The following CARMIL1 variants were observed in gnomAD, a reference collection of about 807,000 sequenced individuals.
The protein encoded by CARMIL1 is capping protein regulator and myosin 1 linker 1, also known as F-actin-uncapping protein LRRC16A.
In CARMIL1, 90 loss-of-function variants were observed where a neutral mutation model predicts 177.1. That is an observed-to-expected ratio of 0.51 (90% CI 0.43 to 0.61). CARMIL1 has a LOEUF of 0.61. CARMIL1 is among the 20% of genes least tolerant of loss of function. CARMIL1 has a pLI of 0.00. For synonymous variants in CARMIL1, 577 were observed against 606.2 expected, an observed-to-expected ratio of 0.95 and a Z score of 0.71; for missense variants, 1,380 against 1,667.0, an observed-to-expected ratio of 0.83 and a Z score of 3.00.
At chr6:25,469,397 T>C (rs1412095400) in intron 9 of CARMIL1, among the ~76,000 whole-genome samples, 1 of 152,238 alleles carries the variant, frequency 6.6e-6, no homozygotes, top group East Asian at 1.9e-4. Flanking sequence ...TTTTATGTGC[T>C]ATTTTAAGAA....
At chr6:25,425,846 C>T (rs897734539) in intron 3 of CARMIL1, among the ~76,000 whole-genome samples, 19 of 152,040 alleles carry the variant, frequency 1.2e-4, no homozygotes, top group Non-Finnish European at 7.4e-5. Flanking sequence ...ATATTGTATT[C>T]GTGTAAATAT....
At chr6:25,493,234 C>T (rs540673894) in intron 15 of CARMIL1, among the ~76,000 whole-genome samples, 5 of 152,120 alleles carry the variant, frequency 3.3e-5, no homozygotes, top group East Asian at 3.8e-4. Context: ...AACAGAATTG[C>T]GCTAACAAAT....
intron 3 of CARMIL1, among the ~76,000 whole-genome samples, chr6:25,424,741 A>G (rs1796141803): frequency 6.6e-6 from 1 of 152,190 alleles, no homozygotes; most frequent in Non-Finnish European, 1.5e-5. Context: ...AGACTAGACA[A>G]CTTTATAGTT....
chr6:25,515,979 A>G lies in CARMIL1; in HGVS notation c.1805+132A>G. ...GCCATCTTGAGGAGAAGAGGTGACA[A>G]TGTCAAGATTTCTGTCAGAATAATG... On this transcript the variant is annotated intron_variant, in intron 21 of 36. Transcript: ENST00000329474. The surrounding 1 kb of genome is among the most constrained non-coding windows in gnomAD (Gnocchi z 5.0). The G allele has an allele frequency of 2.4e-6, 2 of 849,240 alleles. No homozygotes were observed. The highest frequency in any genetic ancestry group is 2.2e-5 in the South Asian group (1 of 45,862). The allele number at this position is 849,240 out of a possible 1,614,324, so 52.6% of individuals were successfully genotyped here. A position where few individuals can be genotyped will look rare whatever the true frequency, so the allele number is the denominator to read the frequency against.
At chr6:25,375,447 C>A (rs1376718974) in intron 2 of CARMIL1, among the ~76,000 whole-genome samples, 1 of 152,178 alleles carries the variant, frequency 6.6e-6, no homozygotes, top group East Asian at 1.9e-4. Flanking sequence ...CTTTAGATAG[C>A]CTGATGACTG....
intron 2 of CARMIL1, among the ~76,000 whole-genome samples, chr6:25,316,578 A>G (rs1784295601): frequency 6.6e-6 from 1 of 151,858 alleles, no homozygotes; most frequent in South Asian, 2.1e-4. Flanking sequence ...CGCCTGGCTA[A>G]TTTTTGTATT....
At chr6:25,471,347 A>G (rs1028550818) in intron 10 of CARMIL1, 90 bp downstream of exon 10, 3 of 790,142 alleles carry the variant, frequency 3.8e-6, no homozygotes, top group Non-Finnish European at 5.9e-6. Context: ...TTTTTTTTTA[A>G]TTGGGCTGAT....
chr6:25,431,026 T>C (rs1796722409), intron 4 of CARMIL1, among the ~76,000 whole-genome samples: 1 of 152,160 alleles, frequency 6.6e-6, no homozygotes, highest in Non-Finnish European at 1.5e-5. Context: ...TTTTTTTTTA[T>C]TATTATACTT....
intron 8 of CARMIL1, among the ~76,000 whole-genome samples, chr6:25,463,308 ATATAT>A (rs1221692492): frequency 2.0e-5 from 3 of 152,166 alleles, no homozygotes; most frequent in Non-Finnish European, 2.9e-5. Context: ...AATCCCAATT[ATATAT>A]TATATCACAC....
At chr6:25,528,069 T>C (rs151177422) in intron 23 of CARMIL1, among the ~76,000 whole-genome samples, 13 of 152,356 alleles carry the variant, frequency 8.5e-5, no homozygotes, top group African/African-American at 2.9e-4. Context: ...ATGTTAAATA[T>C]GTATTTATTG....
chr6:25,412,064 G>A (rs899521395), intron 2 of CARMIL1, among the ~76,000 whole-genome samples: 1 of 152,168 alleles, frequency 6.6e-6, no homozygotes, highest in Non-Finnish European at 1.5e-5. Context: ...AGGCCACTTG[G>A]CTAACTTGAG....
intron 28 of CARMIL1, among the ~76,000 whole-genome samples, chr6:25,556,096 A>G (rs961043874): frequency 3.2e-4 from 49 of 152,340 alleles, no homozygotes; most frequent in Admixed American, 1.0e-3. Flanking sequence ...AACGTTCTCA[A>G]AGTTTCCGTG....
At chr6:25,396,348 TA>T (rs1248252064) in intron 2 of CARMIL1, among the ~76,000 whole-genome samples, 1 of 149,280 alleles carries the variant, frequency 6.7e-6, no homozygotes, top group Non-Finnish European at 1.5e-5. Flanking sequence ...TATCATGTTT[TA>T]ATTTTTTTTT....
intron 15 of CARMIL1, among the ~76,000 whole-genome samples, chr6:25,494,331 CTTA>C (rs1803495422): frequency 6.6e-6 from 1 of 152,080 alleles, no homozygotes; most frequent in African/African-American, 2.4e-5. Flanking sequence ...CATATACTGA[CTTA>C]TTCAATCCTT....
At chr6:25,586,995 G>A (rs986335470) in intron 31 of CARMIL1, among the ~76,000 whole-genome samples, 2 of 145,628 alleles carry the variant, frequency 1.4e-5, no homozygotes, top group African/African-American at 5.2e-5. Context: ...GAGGGAGACC[G>A]TGGAGACAGA....
At chr6:25,511,896 T>TTC (rs1367606754) in intron 20 of CARMIL1, among the ~76,000 whole-genome samples, 1 of 152,232 alleles carries the variant, frequency 6.6e-6, no homozygotes, top group East Asian at 1.9e-4. Flanking sequence ...AATTCAGCAC[T>TTC]TCTCCTTACC....
intron 24 of CARMIL1, among the ~76,000 whole-genome samples, chr6:25,534,135 C>T (rs1308461779): frequency 6.7e-6 from 1 of 148,506 alleles, no homozygotes; most frequent in African/African-American, 2.5e-5. Context: ...TTTTTTTTAA[C>T]AAGAACTACA....
At chr6:25,356,197 A>C (rs1181789326) in intron 2 of CARMIL1, among the ~76,000 whole-genome samples, 1 of 152,034 alleles carries the variant, frequency 6.6e-6, no homozygotes, top group East Asian at 1.9e-4. Context: ...AGCTGGGACT[A>C]CAGGCTCCCG....
chr6:25,375,604 TCTC>T (rs1562053403), intron 2 of CARMIL1, among the ~76,000 whole-genome samples: 1 of 152,204 alleles, frequency 6.6e-6, no homozygotes, highest in Non-Finnish European at 1.5e-5. Flanking sequence ...TGCTTTCTCT[TCTC>T]CTTCAGTAAC....
Sources: allele counts gnomAD v4.1 joint callset (sites outside exome capture counted in the v4.1 genomes callset), GRCh38; gene constraint gnomAD v4.1.1; non-coding constraint Gnocchi (gnomAD v3.1); transcripts MANE v1.5; gene names NCBI Gene and HGNC (gene_info 2026-07-23, HGNC 2026-07-21).